Variants in DNAH14 observed in about 807,000 individuals in gnomAD.
DNAH14 encodes the protein axonemal beta dynein heavy chain 14.
A neutral mutation model predicts 520.9 loss-of-function variants in DNAH14; 478 were observed. The ratio of observed to expected loss-of-function variants is 0.92; its 90% CI spans 0.85 to 0.99. The LOEUF is 0.99. Among genes scored for constraint, DNAH14 ranks in the 50% least tolerant of loss-of-function variants. The probability of loss-of-function intolerance (pLI) is 0.00; values close to 1 mark genes in which losing one functional copy is unlikely to be tolerated. For synonymous variants in DNAH14, 1,581 were observed against 1,757.2 expected, an observed-to-expected ratio of 0.90 and a Z score of 2.51; for missense variants, 4,831 against 5,234.5, an observed-to-expected ratio of 0.92 and a Z score of 2.38.
intron 6 of DNAH14, chr1:224,967,958 A>G: frequency 8.7e-7 from 1 of 1,151,056 alleles, no homozygotes; most frequent in Non-Finnish European, 1.1e-6. Flanking sequence ...AGATGTAGAA[A>G]TCCCCCTTTT....
intron 20 of DNAH14, among the ~76,000 whole-genome samples, chr1:225,084,446 A>T (rs186725638): frequency 2.9e-3 from 442 of 152,192 alleles, no homozygotes; most frequent in Non-Finnish European, 5.1e-3. Context: ...AAACTTTCCA[A>T]GATAGGTCAT....
At chr1:225,303,610 G>A (rs1369600019) in intron 57 of DNAH14, among the ~76,000 whole-genome samples, 2 of 152,178 alleles carry the variant, frequency 1.3e-5, no homozygotes, top group African/African-American at 4.8e-5. Context: ...TGGAACAGCA[G>A]ATTTCCGTGA....
In DNAH14 at chr1:225,340,632, A is replaced by G. The variant is rs1393642324; in HGVS notation, c.10609A>G (p.Ile3537Val). 6.4e-6 allele frequency: 10 copies of G among 1,551,336 alleles called. No homozygotes were observed. Among genetic ancestry groups the G allele is most frequent in the Admixed American group, 2.0e-5 (1 of 50,992 alleles). Reference protein sequence around the residue: ...EDQRSKLLESISLDAITLEEL... With the variant: ...EDQRSKLLESVSLDAITLEEL... ...TCAACGTTCCAAGTTACTGGAGAGT[A>G]TTTCCCTTGATGCCATAACTCTTGA... Residue 3537 changes from isoleucine to valine, a missense_variant, in exon 69 of 86, where the codon ATT becomes GTT. Transcript: ENST00000682510.
chr1:225,066,534 G>A (rs985331982), intron 17 of DNAH14, among the ~76,000 whole-genome samples: 2 of 151,908 alleles, frequency 1.3e-5, no homozygotes, highest in Non-Finnish European at 2.9e-5. Flanking sequence ...GGGGGTACAA[G>A]TGGTTATTGG....
chr1:225,204,336 G>A (rs754219563), intron 39 of DNAH14, 63 bp downstream of exon 39: 1 of 939,854 alleles, frequency 1.1e-6, no homozygotes, highest in South Asian at 1.7e-5. Flanking sequence ...ACCAATATGA[G>A]CTATATTTAT....
chr1:225,274,780 T>A (rs1489014661), intron 52 of DNAH14, among the ~76,000 whole-genome samples: 1 of 152,182 alleles, frequency 6.6e-6, no homozygotes, highest in Non-Finnish European at 1.5e-5. Flanking sequence ...TACCCCAAAT[T>A]CAAGACCATA....
chr1:225,389,224 C>T (rs2095875471), intron 82 of DNAH14, among the ~76,000 whole-genome samples: 1 of 152,212 alleles, frequency 6.6e-6, no homozygotes, highest in South Asian at 2.1e-4. Context: ...GAAGTAGGTG[C>T]TATCATTATC....
At chr1:225,320,724 T>G (rs2094542558) in intron 61 of DNAH14, among the ~76,000 whole-genome samples, 1 of 152,166 alleles carries the variant, frequency 6.6e-6, no homozygotes, top group African/African-American at 2.4e-5. Flanking sequence ...AGAAAGCAGA[T>G]AGTAGAAAAT....
At chr1:225,230,013 T>C (rs1158847121) in intron 41 of DNAH14, among the ~76,000 whole-genome samples, 2 of 152,152 alleles carry the variant, frequency 1.3e-5, no homozygotes, top group African/African-American at 4.8e-5. Context: ...AAGTGGGTGA[T>C]AAAAAATTGA....
intron 8 of DNAH14, among the ~76,000 whole-genome samples, chr1:224,981,816 C>T (rs2062291100): frequency 2.6e-5 from 4 of 151,740 alleles, no homozygotes. Flanking sequence ...CTTGGTTTTT[C>T]CTTTCTTCTG....
intron 84 of DNAH14, among the ~76,000 whole-genome samples, chr1:225,394,172 G>A (rs2095968615): frequency 6.6e-6 from 1 of 152,140 alleles, no homozygotes; most frequent in Admixed American, 6.5e-5. Context: ...GATTAATTAA[G>A]GTGGGCACCT....
chr1:225,102,209 A>G (rs1349321167), intron 23 of DNAH14, among the ~76,000 whole-genome samples: 1 of 151,972 alleles, frequency 6.6e-6, no homozygotes, highest in African/African-American at 2.4e-5. Flanking sequence ...GTCCCTACAA[A>G]GGACATGAAC....
chr1:225,352,734 T>A (rs940248567), intron 72 of DNAH14, among the ~76,000 whole-genome samples: 4 of 152,052 alleles, frequency 2.6e-5, no homozygotes, highest in Non-Finnish European at 5.9e-5. Context: ...TTTTTCTGAA[T>A]TTTTTATTGT....
intron 8 of DNAH14, among the ~76,000 whole-genome samples, chr1:224,986,997 T>C (rs1009081750): frequency 5.3e-5 from 8 of 152,098 alleles, no homozygotes; most frequent in African/African-American, 1.9e-4. Flanking sequence ...GGATACAAAA[T>C]GAACATACAA....
intron 79 of DNAH14, 85 bp from the exon 80 acceptor site, chr1:225,380,074 A>C: frequency 7.2e-7 from 1 of 1,385,108 alleles, no homozygotes; most frequent in South Asian, 1.5e-5. Flanking sequence ...CCTGTCTACC[A>C]GTAATCTTGA....
chr1:225,182,630 G>T (rs1286182244), intron 36 of DNAH14, among the ~76,000 whole-genome samples: 1 of 152,132 alleles, frequency 6.6e-6, no homozygotes, highest in African/African-American at 2.4e-5. Flanking sequence ...ACCCCAGGCA[G>T]CACGGAGCCC....
At chr1:225,260,943 A>G (rs2092915082) in intron 46 of DNAH14, among the ~76,000 whole-genome samples, 1 of 152,028 alleles carries the variant, frequency 6.6e-6, no homozygotes, top group African/African-American at 2.4e-5. Context: ...TTTTTCAGGT[A>G]GTTCATTGTT....
chr1:225,379,720 T>C (rs2095755832), intron 79 of DNAH14, among the ~76,000 whole-genome samples: 1 of 152,130 alleles, frequency 6.6e-6, no homozygotes, highest in African/African-American at 2.4e-5. Context: ...AGACAGGGTT[T>C]TACCATGTTG....
intron 64 of DNAH14, among the ~76,000 whole-genome samples, chr1:225,329,049 G>A (rs79443795): frequency 0.01 from 1,554 of 152,210 alleles, 34 homozygotes; most frequent in African/African-American, 0.035. Context: ...TTATAATTGT[G>A]TTGTACATAC....
Sources: allele counts gnomAD v4.1 joint callset (sites outside exome capture counted in the v4.1 genomes callset), GRCh38; gene constraint gnomAD v4.1.1; transcripts MANE v1.5; gene names NCBI Gene and HGNC (gene_info 2026-07-23, HGNC 2026-07-21).